The following FAAH2 variants were observed in gnomAD, a reference collection of about 807,000 sequenced individuals.
FAAH2 encodes fatty-acid amide hydrolase 2.
FAAH2 carries 60 observed loss-of-function variants against 36.9 expected under a neutral mutation model. The ratio of observed to expected loss-of-function variants is 1.63; its 90% CI spans 1.32 to 2.02. The LOEUF (loss-of-function observed/expected upper bound fraction) is 2.02, where lower values mean the gene tolerates loss of function less well. Ranked by LOEUF, FAAH2 falls within the 30% of genes most tolerant of loss-of-function variation. The pLI is 0.00. For missense variants in FAAH2, 689 were observed against 397.5 expected (o/e 1.73, Z -6.23); for synonymous variants, 214 against 143.8 (o/e 1.49, Z -3.49).
intron 8 of FAAH2, among the ~76,000 whole-genome samples, chrX:57,440,151 G>A (rs1035029163): frequency 9.0e-6 from 1 of 111,408 alleles, no homozygotes; most frequent in African/African-American, 3.3e-5. Context: ...GTCATTGGTA[G>A]CTTAATGGGG....
chrX:57,275,632 A>T, the FAAH2 span, among the ~76,000 whole-genome samples: 1 of 112,238 alleles, frequency 8.9e-6, no homozygotes, highest in African/African-American at 3.2e-5. Flanking sequence ...AGACTGGCAA[A>T]TTGGATAGAG....
At chrX:57,435,247 C>T (rs972751892) in intron 8 of FAAH2, among the ~76,000 whole-genome samples, 4 of 111,415 alleles carry the variant, frequency 3.6e-5, no homozygotes, top group Non-Finnish European at 7.6e-5. Flanking sequence ...GTTAACACAA[C>T]AAAATTTCAC....
chrX:57,124,005 T>G, the FAAH2 span, among the ~76,000 whole-genome samples: 2 of 111,786 alleles, frequency 1.8e-5, no homozygotes, highest in Non-Finnish European at 3.8e-5. Context: ...CTCTTTAGTT[T>G]AATTAGATCC....
intron 10 of FAAH2, among the ~76,000 whole-genome samples, chrX:57,484,462 C>T (rs987401498): frequency 1.5e-4 from 17 of 111,282 alleles, no homozygotes; most frequent in South Asian, 1.2e-3. Context: ...CAATCTGTTC[C>T]CTTTTCACGC....
chrX:57,261,485 G>A, the FAAH2 span, among the ~76,000 whole-genome samples: 6,641 of 102,727 alleles, frequency 0.065, 596 homozygotes, highest in African/African-American at 0.23. Flanking sequence ...CCCAGGAGGC[G>A]GAGGTTGCAG....
At position 57,320,581 on chromosome X, in the gene FAAH2, T is replaced by C. The variant is rs1190915499; in HGVS notation, c.412+9852T>C. ...TTTACATTGTTGGTGGGAGTGTAAA[T>C]TAGTTCAATCATTGTTGAAGACAAT... On this transcript the variant is annotated intron_variant, in intron 3 of 10. Coordinates refer to ENST00000374900, the MANE Select transcript of FAAH2 (RefSeq NM_174912.4). 2.7e-5 allele frequency among the ~76,000 whole-genome samples: 3 copies of C among 112,283 alleles called. No homozygotes were observed. The East Asian group carries it at 8.3e-4, about 31-fold the overall frequency.
chrX:57,152,019 C>T, the FAAH2 span, among the ~76,000 whole-genome samples: 1 of 111,954 alleles, frequency 8.9e-6, no homozygotes, highest in Non-Finnish European at 1.9e-5. Flanking sequence ...CAGGTCCACT[C>T]CAGACCCTGT....
At chrX:57,253,291 G>C in the FAAH2 span, among the ~76,000 whole-genome samples, 1 of 111,055 alleles carries the variant, frequency 9.0e-6, no homozygotes, top group Non-Finnish European at 1.9e-5. Flanking sequence ...ATCTACGTTT[G>C]ATTGGTGTAA....
intron 10 of FAAH2, among the ~76,000 whole-genome samples, chrX:57,465,299 C>A (rs1264517761): frequency 9.0e-6 from 1 of 111,039 alleles, no homozygotes; most frequent in Non-Finnish European, 1.9e-5. Context: ...TGGAGAATTC[C>A]AGAACGGGAG....
At chrX:57,394,982 G>T (rs183269623) in intron 7 of FAAH2, 8 of 570,950 alleles carry the variant, frequency 1.4e-5, no homozygotes, top group Middle Eastern at 3.1e-4. Context: ...AGGCATACAA[G>T]GAATGAAACA....
At chrX:57,284,101 G>A (rs1269231978), upstream of FAAH2, among the ~76,000 whole-genome samples, 1 of 112,182 alleles carries the variant, frequency 8.9e-6, no homozygotes, top group Non-Finnish European at 1.9e-5. Flanking sequence ...CTCCCTCTGG[G>A]AGCTCTGTCC....
chrX:57,369,071 C>G (rs1012361730), intron 5 of FAAH2, among the ~76,000 whole-genome samples: 1 of 106,486 alleles, frequency 9.4e-6, no homozygotes, highest in African/African-American at 3.4e-5. Context: ...AAGAATTCAA[C>G]CAACGAAATA....
chrX:57,306,992 C>CATATATATATATATATATATATATAT lies in FAAH2; in HGVS notation c.276-3600_276-3599insTATATATATATATATATATATATATA, dbSNP rs1569245607. ...ACACACGTATACACACACACACACACAGATACATATATATATATATATATA... is the reference window on the plus strand; with the variant it reads ...ACACACGTATACACACACACACACACATATATATATATATATATATATATATAGATACATATATATATATATATATA... On this transcript the variant is annotated intron_variant, in intron 2 of 10. Coordinates refer to ENST00000374900, the MANE Select transcript of FAAH2 (RefSeq NM_174912.4). Among the ~76,000 whole-genome samples the CATATATATATATATATATATATATAT allele has an allele frequency of 6.2e-4, 5 of 8,027 alleles. No individual in the cohort carries two copies. The Non-Finnish European group carries it at 0.013, about 20-fold the overall frequency. The allele number at this position is 8,027 out of a possible 115,157, so 7.0% of individuals were successfully genotyped here.
At chrX:57,447,917 C>T (rs746286573) in intron 9 of FAAH2, among the ~76,000 whole-genome samples, 7 of 112,203 alleles carry the variant, frequency 6.2e-5, no homozygotes, top group East Asian at 2.8e-4. Context: ...TTTCTGCAGC[C>T]GGCTTGAATT....
chrX:57,336,371 C>T (rs1033181260), intron 4 of FAAH2, among the ~76,000 whole-genome samples: 2 of 111,274 alleles, frequency 1.8e-5, no homozygotes, highest in East Asian at 5.7e-4. Context: ...CAGACTCAGC[C>T]CACCTGCACC....
the FAAH2 span, among the ~76,000 whole-genome samples, chrX:57,133,651 C>T: frequency 2.7e-5 from 3 of 111,436 alleles, no homozygotes; most frequent in African/African-American, 9.8e-5. Context: ...TCAGGAGATA[C>T]CAGAGACATA....
chrX:57,440,480 A>C (rs998252610), intron 8 of FAAH2, among the ~76,000 whole-genome samples: 2 of 111,932 alleles, frequency 1.8e-5, no homozygotes, highest in African/African-American at 3.2e-5. Context: ...GAAGTTGCTT[A>C]TCAGCTTAAG....
chrX:57,399,233 A>G (rs775783921), intron 7 of FAAH2, among the ~76,000 whole-genome samples: 15 of 111,313 alleles, frequency 1.3e-4, no homozygotes, highest in Admixed American at 1.3e-3. Flanking sequence ...AGTGCAGGGG[A>G]TTATTTCTTT....
the FAAH2 span, among the ~76,000 whole-genome samples, chrX:57,149,296 G>T: frequency 1.8e-5 from 2 of 111,550 alleles, no homozygotes; most frequent in East Asian, 5.6e-4. Context: ...AGGATTCCCT[G>T]TTTTTCTATT....
Sources: gnomAD v4.1 joint callset for allele counts (sites outside exome capture counted in the v4.1 genomes callset) on GRCh38, gnomAD v4.1.1 for gene constraint, MANE v1.5 for transcripts, NCBI Gene and HGNC (gene_info 2026-07-23, HGNC 2026-07-21) for gene names.